Variants in GMEB1 observed in about 807,000 individuals in gnomAD.
The protein encoded by GMEB1 is glucocorticoid modulatory element binding protein 1, also known as glucocorticoid modulatory element-binding protein 1.
In GMEB1, 6 loss-of-function variants were observed where a neutral mutation model predicts 52.4. That is an observed-to-expected ratio of 0.11 (90% CI 0.06 to 0.23). The LOEUF (loss-of-function observed/expected upper bound fraction) is 0.23, where lower values mean the gene tolerates loss of function less well. Ranked by LOEUF, GMEB1 falls within the 10% of genes least tolerant of loss-of-function variation. The pLI, the probability that GMEB1 is intolerant of heterozygous loss-of-function variation, is 1.00. For missense variants in GMEB1, 486 were observed against 685.6 expected (o/e 0.71, Z 3.25); for synonymous variants, 255 against 244.9 (o/e 1.04, Z -0.38).
In GMEB1 at chr1:28,695,187, G is replaced by C. The variant is rs565214895; in HGVS notation, c.441-1740G>C. On this transcript the variant is annotated intron_variant, in intron 5 of 9. Transcript: ENST00000373816. ...TCACCATGTTGGCCAGGCTGGTATTGAACTCCTGACCTCAAATGCTCTGCC... is the reference window on the plus strand; with the variant it reads ...TCACCATGTTGGCCAGGCTGGTATTCAACTCCTGACCTCAAATGCTCTGCC... Among the ~76,000 whole-genome samples the C allele has an allele frequency of 9.9e-5, 15 of 151,198 alleles. No individual in the cohort carries two copies. In the South Asian group the frequency reaches 3.1e-3, roughly 32 times the overall value.
chr1:28,670,146 G>A (rs962211235), intron 1 of GMEB1, among the ~76,000 whole-genome samples: 2 of 108,804 alleles, frequency 1.8e-5, no homozygotes, highest in African/African-American at 5.6e-5. Context: ...GTGCATTTGG[G>A]GACCCTTTTT....
intron 2 of GMEB1, among the ~76,000 whole-genome samples, chr1:28,686,405 A>G (rs932560205): frequency 6.6e-6 from 1 of 151,948 alleles, no homozygotes; most frequent in Non-Finnish European, 1.5e-5. Flanking sequence ...TTGGGAGGCT[A>G]AGGTGGGCAG....
chr1:28,691,147 C>A (rs10915186), intron 3 of GMEB1, among the ~76,000 whole-genome samples: 1 of 151,512 alleles, frequency 6.6e-6, no homozygotes, highest in Non-Finnish European at 1.5e-5. Flanking sequence ...AAAAATTAGC[C>A]GGGCGTGGTG....
intron 2 of GMEB1, among the ~76,000 whole-genome samples, chr1:28,685,959 A>AAAAC (rs1387377360): frequency 6.6e-6 from 1 of 152,204 alleles, no homozygotes; most frequent in Admixed American, 6.6e-5. Context: ...ACTCCGTCTC[A>AAAAC]AAACAAACAA....
intron 1 of GMEB1, among the ~76,000 whole-genome samples, chr1:28,681,533 T>G (rs1371866549): frequency 6.6e-6 from 1 of 151,976 alleles, no homozygotes; most frequent in Non-Finnish European, 1.5e-5. Context: ...GTACATTAGG[T>G]GGCTGGTATG....
At chr1:28,688,362 C>T (rs1378573856) in intron 2 of GMEB1, among the ~76,000 whole-genome samples, 1 of 152,162 alleles carries the variant, frequency 6.6e-6, no homozygotes, top group Non-Finnish European at 1.5e-5. Context: ...GAAGGGAGGT[C>T]TGTGCTAGAG....
chr1:28,713,104 G>A (rs2124596596), intron 9 of GMEB1, among the ~76,000 whole-genome samples: 1 of 148,216 alleles, frequency 6.7e-6, no homozygotes, highest in Admixed American at 6.8e-5. Flanking sequence ...CTTGCAGTGA[G>A]CCGAGATCGC....
chr1:28,714,027 A>G (rs752635549), intron 9 of GMEB1, 46 bp from the exon 10 acceptor site: 2 of 1,432,004 alleles, frequency 1.4e-6, no homozygotes, highest in Non-Finnish European at 1.9e-6. Context: ...TAATGCTCCC[A>G]AGATTTTACT....
rs145235229 is a variant in GMEB1, at chr1:28,702,530, A to C, written c.691A>C (p.Thr231Pro). Residue 231 changes from threonine to proline, a missense_variant, in exon 7 of 10, where the codon ACG (threonine) becomes CCG (proline). Physicochemically the swap from Thr to Pro is conservative, Grantham distance 38 (BLOSUM62 -1). Transcript: ENST00000373816. ...TCTCACCGCTGCTGTCACCATGGCC[A>C]CGGAGGAGGGTGTAAAGAAAGACTC... is the stretch of plus-strand genomic sequence containing the variant. ...SALTAAVTMA[T>P]EEGVKKDSEE... The C allele has an allele frequency of 4.9e-5, 79 of 1,613,828 alleles. 1 individual carries two copies. The East Asian group carries it at 1.7e-3, about 35-fold the overall frequency.
chr1:28,712,621 T>G (rs1037039081), intron 9 of GMEB1, among the ~76,000 whole-genome samples: 5 of 149,080 alleles, frequency 3.4e-5, no homozygotes, highest in African/African-American at 9.9e-5. Context: ...GAGATTGAAA[T>G]CATCCTGGCC....
intron 9 of GMEB1, among the ~76,000 whole-genome samples, chr1:28,710,870 G>A (rs945090110): frequency 6.6e-6 from 1 of 151,898 alleles, no homozygotes; most frequent in Non-Finnish European, 1.5e-5. Context: ...TGTGTCTTGT[G>A]GAGGATTAAG....
chr1:28,714,764 A>G lies in GMEB1; in HGVS notation c.1683A>G (p.Leu561=). The change falls in exon 10 of 10, where the codon TTA becomes TTG. Residue 561 remains leucine, a synonymous_variant. Transcript: ENST00000373816. ...TTCACAATGTGGAGATTGTGGTCTT[A>G]GAGGATTAACTGGGGATCTCAGGGC... ...HQVHNVEIVV[L]ED 1 of 1,606,134 alleles carries G rather than the reference A, an allele frequency of 6.2e-7. No individual in the cohort carries two copies. Among genetic ancestry groups the G allele is most frequent in the South Asian group, 1.1e-5 (1 of 90,938 alleles).
intron 6 of GMEB1, among the ~76,000 whole-genome samples, chr1:28,700,283 C>T (rs1166137073): frequency 7.9e-5 from 12 of 151,754 alleles, no homozygotes; most frequent in Non-Finnish European, 1.0e-4. Flanking sequence ...GAGGCCGAGG[C>T]TGGCAGATCA....
chr1:28,701,331 G>A (rs1422396639), intron 6 of GMEB1, among the ~76,000 whole-genome samples: 6 of 135,586 alleles, frequency 4.4e-5, no homozygotes, highest in Non-Finnish European at 9.1e-5. Flanking sequence ...GTCCAGTGGC[G>A]CGATCTCGGC....
At chr1:28,674,188 A>C (rs944618249) in intron 1 of GMEB1, among the ~76,000 whole-genome samples, 9 of 151,352 alleles carry the variant, frequency 5.9e-5, no homozygotes, top group Non-Finnish European at 1.3e-4. Flanking sequence ...AGGAAAACAG[A>C]AATGAGCAGG....
At chr1:28,694,935 T>C (rs1311001201) in intron 5 of GMEB1, among the ~76,000 whole-genome samples, 1 of 150,732 alleles carries the variant, frequency 6.6e-6, no homozygotes, top group Non-Finnish European at 1.5e-5. Context: ...GTGTGGGGAT[T>C]ACAGGCGTGA....
chr1:28,679,173 C>T (rs1669287715), intron 1 of GMEB1, among the ~76,000 whole-genome samples: 1 of 150,860 alleles, frequency 6.6e-6, no homozygotes, highest in African/African-American at 2.4e-5. Flanking sequence ...CATGAGCCAC[C>T]ACACCTGACC....
chr1:28,710,726 A>T, intron 9 of GMEB1, 84 bp downstream of exon 9: 1 of 1,039,082 alleles, frequency 9.6e-7, no homozygotes. Context: ...TTGTTGGGGT[A>T]ACTTTTTTTT....
chr1:28,719,210 A>G lies in GMEB1; in HGVS notation c.*4437A>G, dbSNP rs1002860896. On this transcript the variant is annotated 3_prime_UTR_variant, in exon 10 of 10. Transcript: ENST00000373816. Reference sequence around the variant, plus strand: ...ACGAAGGCCTGAGAGTCAGCTGTACAACTGTCTTGTCTTGGCCATGTCCCT... The same window carrying G: ...ACGAAGGCCTGAGAGTCAGCTGTACGACTGTCTTGTCTTGGCCATGTCCCT... The G allele has an allele frequency of 2.6e-5, 4 of 152,268 alleles. No individual in the cohort carries two copies. Among genetic ancestry groups the G allele is most frequent in the African/African-American group, 9.7e-5 (4 of 41,428 alleles). 9.4% of individuals were successfully genotyped at this position (152,268 alleles called of 1,614,324 possible).
Sources: gnomAD v4.1 joint callset for allele counts (sites outside exome capture counted in the v4.1 genomes callset) on GRCh38, gnomAD v4.1.1 for gene constraint, MANE v1.5 for transcripts, NCBI Gene and HGNC (gene_info 2026-07-23, HGNC 2026-07-21) for gene names.